IGSF21: variants seen among roughly 807,000 people sequenced by gnomAD.
IGSF21 encodes immunoglobin superfamily member 21.
Under a neutral mutation model 46.8 loss-of-function variants are expected in IGSF21, and 28 were observed. The observed-to-expected ratio is 0.60, with a 90% CI of 0.44 to 0.82. IGSF21 has a LOEUF of 0.82. IGSF21 is among the 40% of genes least tolerant of loss of function. The pLI is 0.00. For missense variants in IGSF21, 624 were observed against 665.5 expected, an observed-to-expected ratio of 0.94 and a Z score of 0.69; for synonymous variants, 284 against 273.6, an observed-to-expected ratio of 1.04 and a Z score of -0.38.
In IGSF21 at chr1:18,377,293, C is replaced by T. The variant is rs529034459; in HGVS notation, c.1295-100C>T. On this transcript the variant is annotated intron_variant, in intron 8 of 9. Coordinates refer to ENST00000251296, the MANE Select transcript of IGSF21 (RefSeq NM_032880.5). ...GTTGTGTGGCTGCACTGAGACAGTGCGTGTGATACCTCACAGCAGGTGCTG... is the reference window on the plus strand; with the variant it reads ...GTTGTGTGGCTGCACTGAGACAGTGTGTGTGATACCTCACAGCAGGTGCTG... 35 of 1,058,916 alleles carry T rather than the reference C, an allele frequency of 3.3e-5. No individual in the cohort carries two copies. In the African/African-American group the frequency reaches 3.7e-4, roughly 11 times the overall value. The allele number at this position is 1,058,916 out of a possible 1,614,324, so 65.6% of individuals were successfully genotyped here. A position where few individuals can be genotyped will look rare whatever the true frequency, so the allele number is the denominator to read the frequency against.
Position 18,334,842 on chromosome 1 carries a change from C to A in IGSF21, c.306-50C>A. 7.2e-7 allele frequency: 1 copy of A among 1,394,042 alleles called. No homozygotes were observed. The allele number at this position is 1,394,042 out of a possible 1,614,324, so 86.4% of individuals were successfully genotyped here. ...GGATGAGTTTCCTTGAACGCTGCCT[C>A]ACCCAGCCCCACGATGAAGGGCCCT... is the stretch of plus-strand genomic sequence containing the variant. On this transcript the variant is annotated intron_variant, in intron 3 of 9. Transcript: ENST00000251296. The surrounding 1 kb of genome is among the most constrained non-coding windows in gnomAD (Gnocchi z 4.3).
intron 3 of IGSF21, among the ~76,000 whole-genome samples, chr1:18,305,656 A>G (rs2085418761): frequency 6.6e-6 from 1 of 152,216 alleles, no homozygotes; most frequent in Non-Finnish European, 1.5e-5. Flanking sequence ...GTTTTTGCAG[A>G]CCTAAATCTT....
chr1:18,351,868 A>G (rs951555155), intron 4 of IGSF21, among the ~76,000 whole-genome samples: 1 of 152,232 alleles, frequency 6.6e-6, no homozygotes, highest in East Asian at 1.9e-4. Flanking sequence ...CTATTGCTAC[A>G]TAAACTACAG....
rs1260053382 is a variant in IGSF21 at position 18,365,488 on chromosome 1, T to C, written c.806T>C (p.Val269Ala). The C allele has an allele frequency of 1.2e-6, 2 of 1,613,378 alleles. No homozygotes were observed. The highest frequency in any genetic ancestry group is 1.7e-6 in the Non-Finnish European group (2 of 1,179,886). ...ACCACAGAGAACATACCAGAGACGG[T>C]CGTGAGCCGTGAGTTTCCCCGCTGG... ...QPTTENIPETVVSREFPRWVH... is the reference protein window; with the variant it reads ...QPTTENIPETAVSREFPRWVH... The change falls in exon 6 of 10, where the codon GTC (valine) becomes GCC (alanine). Residue 269 changes from valine (V) to alanine (A), a missense_variant. Physicochemically the swap from Val to Ala is moderately conservative, Grantham distance 64 (BLOSUM62 0). Coordinates refer to ENST00000251296, the MANE Select transcript of IGSF21 (RefSeq NM_032880.5). This position sits in a 1 kb window ranked among gnomAD's most constrained non-coding sequence, Gnocchi z 4.8.
chr1:18,277,522 G>T (rs1399301644), intron 2 of IGSF21, among the ~76,000 whole-genome samples: 1 of 152,176 alleles, frequency 6.6e-6, no homozygotes, highest in Admixed American at 6.5e-5. Context: ...AAACAAAGCA[G>T]TAGCAAGAGA....
intron 3 of IGSF21, among the ~76,000 whole-genome samples, chr1:18,304,564 AAGG>A (rs2085392533): frequency 6.6e-6 from 1 of 152,134 alleles, no homozygotes; most frequent in Non-Finnish European, 1.5e-5. Flanking sequence ...CTGACTCCTA[AAGG>A]AGAACTGTTT....
In IGSF21 at chr1:18,275,808, C is replaced by T. The variant is rs148732168; in HGVS notation, c.184-16058C>T. Among the ~76,000 whole-genome samples the T allele has an allele frequency of 2.6e-3, 395 of 152,240 alleles. 3 individuals are homozygous for T. Among genetic ancestry groups the T allele is most frequent in the African/African-American group, 8.7e-3 (361 of 41,548 alleles). On this transcript the variant is annotated intron_variant, in intron 2 of 9. Coordinates refer to ENST00000251296, the MANE Select transcript of IGSF21 (RefSeq NM_032880.5). ...TATTCCCCAGCTCCTCCCAGTGGGGCCCCTGGGTCCCTCCACCCAAGCTTT... is the reference window on the plus strand; with the variant it reads ...TATTCCCCAGCTCCTCCCAGTGGGGTCCCTGGGTCCCTCCACCCAAGCTTT...
At position 18,334,864 on chromosome 1, in the gene IGSF21, C is replaced by T. The variant is rs763839788; in HGVS notation, c.306-28C>T. ...CCTCACCCAGCCCCACGATGAAGGG[C>T]CCTCACCCTGTCTTCTGCCTCCCCC... On this transcript the variant is annotated intron_variant, in intron 3 of 9. Transcript: ENST00000251296. The surrounding 1 kb of genome is among the most constrained non-coding windows in gnomAD (Gnocchi z 4.3). 1.3e-6 allele frequency: 2 copies of T among 1,551,186 alleles called. No homozygotes were observed. The highest frequency in any genetic ancestry group is 8.9e-7 in the Non-Finnish European group (1 of 1,123,136).
chr1:18,155,259 T>G (rs2086557834), intron 1 of IGSF21, among the ~76,000 whole-genome samples: 1 of 152,122 alleles, frequency 6.6e-6, no homozygotes, highest in Non-Finnish European at 1.5e-5. Flanking sequence ...CAGCACGGGA[T>G]GGGACATAGA....
intron 2 of IGSF21, among the ~76,000 whole-genome samples, chr1:18,257,153 A>G (rs2084900525): frequency 6.6e-6 from 1 of 152,232 alleles, no homozygotes; most frequent in Admixed American, 6.5e-5. Flanking sequence ...TTTATTCTGA[A>G]CAGCATTGAA....
Position 18,365,673 on chromosome 1 carries a change from C to A in IGSF21, c.991C>A (p.Pro331Thr), listed in dbSNP as rs776631555. The stretch of plus-strand genomic sequence containing the variant: ...GGTCAAGCACCCAGCTCTGTCGATG[C>A]CCATGCAGGCAGAGGTCACGCTGGG... ...CEVKHPALSM[P>T]MQAEVTLVAP... Residue 331 changes from proline (P) to threonine (T), a missense_variant, in exon 6 of 10, where the codon CCC (proline) becomes ACC (threonine). Pro to Thr is a conservative substitution (Grantham distance 38). Transcript: ENST00000251296. The surrounding 1 kb of genome is among the most constrained non-coding windows in gnomAD (Gnocchi z 4.8). The A allele has an allele frequency of 5.0e-6, 8 of 1,613,364 alleles. No individual in the cohort carries two copies. Among genetic ancestry groups the A allele is most frequent in the Non-Finnish European group, 6.8e-6 (8 of 1,179,484 alleles).
At chr1:18,223,534 G>A (rs545724227) in intron 1 of IGSF21, among the ~76,000 whole-genome samples, 8 of 152,318 alleles carry the variant, frequency 5.3e-5, no homozygotes, top group Admixed American at 2.0e-4. Context: ...ACAGTAGCTC[G>A]TTCCTGTCTG....
chr1:18,122,619 T>C (rs2086244736), intron 1 of IGSF21, among the ~76,000 whole-genome samples: 1 of 151,616 alleles, frequency 6.6e-6, no homozygotes, highest in South Asian at 2.1e-4. Flanking sequence ...TGTCGATTTT[T>C]TTTCTTTTTT....
At chr1:18,250,642 G>A (rs12753799) in intron 2 of IGSF21, among the ~76,000 whole-genome samples, 34,741 of 152,108 alleles carry the variant, frequency 0.23, 4,269 homozygotes, top group African/African-American at 0.33. Flanking sequence ...TTGAAATCTC[G>A]GCTCTGCCAT....
chr1:18,201,445 G>A (rs777550221), intron 1 of IGSF21, among the ~76,000 whole-genome samples: 7 of 152,174 alleles, frequency 4.6e-5, no homozygotes, highest in Non-Finnish European at 8.8e-5. Flanking sequence ...GCCTCACCAC[G>A]GAGGGACACA....
intron 3 of IGSF21, among the ~76,000 whole-genome samples, chr1:18,309,182 G>C (rs2085456165): frequency 1.3e-5 from 2 of 152,086 alleles, no homozygotes; most frequent in African/African-American, 4.8e-5. Flanking sequence ...GGGCTTCCAA[G>C]TGGAAATGCT....
At chr1:18,323,551 G>A (rs754038134) in intron 3 of IGSF21, among the ~76,000 whole-genome samples, 1 of 152,196 alleles carries the variant, frequency 6.6e-6, no homozygotes, top group Non-Finnish European at 1.5e-5. Flanking sequence ...AGCTAAGGCA[G>A]CTGGGCCGCC....
intron 1 of IGSF21, among the ~76,000 whole-genome samples, chr1:18,217,055 G>A (rs563302650): frequency 2.0e-5 from 3 of 152,196 alleles, no homozygotes; most frequent in African/African-American, 7.2e-5. Context: ...AGGAATTTAT[G>A]TGGCCCTGAC....
At chr1:18,285,318 A>G (rs1257559922) in intron 2 of IGSF21, among the ~76,000 whole-genome samples, 1 of 151,964 alleles carries the variant, frequency 6.6e-6, no homozygotes, top group Non-Finnish European at 1.5e-5. Context: ...TGCTGGCTGG[A>G]CTAAGTCCAC....
Sources: allele counts gnomAD v4.1 joint callset (sites outside exome capture counted in the v4.1 genomes callset), GRCh38; gene constraint gnomAD v4.1.1; non-coding constraint Gnocchi (gnomAD v3.1); transcripts MANE v1.5; gene names NCBI Gene and HGNC (gene_info 2026-07-23, HGNC 2026-07-21).